Variants in GSAP observed in about 807,000 individuals in gnomAD.
GSAP encodes gamma-secretase activating protein.
A neutral mutation model predicts 131.7 loss-of-function variants in GSAP; 118 were observed. The observed-to-expected ratio is 0.90, with a 90% CI of 0.77 to 1.04. GSAP has a LOEUF of 1.04. GSAP is among the 50% of genes least tolerant of loss of function. The pLI, the probability that GSAP is intolerant of heterozygous loss-of-function variation, is 0.00. For synonymous variants in GSAP, 381 were observed against 363.4 expected (o/e 1.05, Z -0.55); for missense variants, 1,019 against 1,013.2 (o/e 1.01, Z -0.08).
At position 77,397,364 on chromosome 7, in the gene GSAP, T is replaced by G; in HGVS notation, c.295A>C (p.Ser99Arg). ...DLQVFSCSVN[S>R]ERTLLAASLV... Reference sequence around the variant, plus strand: ...AACTTACCAAGCAAAGTCCTTTCACTGTTGACAGAGCAACTGAAAACTTGC... The same window carrying G: ...AACTTACCAAGCAAAGTCCTTTCACGGTTGACAGAGCAACTGAAAACTTGC... Residue 99 changes from serine (S) to arginine (R), a missense_variant, in exon 4 of 31, where the codon AGT (serine) becomes CGT (arginine). Physicochemically the swap from Ser to Arg is moderately radical, Grantham distance 110. Transcript: ENST00000257626. 1 of 1,605,214 alleles carries G rather than the reference T, an allele frequency of 6.2e-7. No homozygotes were observed. The highest frequency in any genetic ancestry group is 8.5e-7 in the Non-Finnish European group (1 of 1,173,086).
intron 12 of GSAP, among the ~76,000 whole-genome samples, chr7:77,366,741 GAC>G (rs1045814644): frequency 9.9e-5 from 15 of 152,050 alleles, no homozygotes; most frequent in African/African-American, 3.6e-4. Flanking sequence ...TGAATTTTAA[GAC>G]AGTTTTTTCT....
At chr7:77,358,391 T>C (rs1316031565) in intron 14 of GSAP, among the ~76,000 whole-genome samples, 1 of 152,338 alleles carries the variant, frequency 6.6e-6, no homozygotes, top group African/African-American at 2.4e-5. Context: ...AATAACTCTG[T>C]ATAAATTTGT....
chr7:77,353,108 C>T (rs534578357), intron 17 of GSAP, 82 bp from the exon 18 acceptor site: 97 of 744,690 alleles, frequency 1.3e-4, no homozygotes, highest in African/African-American at 5.2e-5. Context: ...AACCAAAACA[C>T]GCAAACCAAC....
intron 26 of GSAP, among the ~76,000 whole-genome samples, chr7:77,318,233 A>C (rs1388287164): frequency 6.6e-6 from 1 of 152,238 alleles, no homozygotes; most frequent in Non-Finnish European, 1.5e-5. Flanking sequence ...CACCATCTAT[A>C]AAATGGGAAT....
At chr7:77,348,953 T>TGTGC (rs1006382275) in intron 19 of GSAP, among the ~76,000 whole-genome samples, 1 of 151,308 alleles carries the variant, frequency 6.6e-6, no homozygotes, top group Non-Finnish European at 1.5e-5. Flanking sequence ...TGTGTGTGTG[T>TGTGC]GCACGTGCAC....
At chr7:77,405,358 T>C (rs1462350025) in intron 2 of GSAP, among the ~76,000 whole-genome samples, 1 of 152,180 alleles carries the variant, frequency 6.6e-6, no homozygotes, top group African/African-American at 2.4e-5. Context: ...CTGAAGAGAG[T>C]AATCATATTT....
chr7:77,326,432 G>A, intron 22 of GSAP, 159 bp from the exon 23 acceptor site: 1 of 561,206 alleles, frequency 1.8e-6, no homozygotes, highest in Non-Finnish European at 3.2e-6. Flanking sequence ...GTCCTACAAG[G>A]TGAACTTATC....
chr7:77,381,757 C>G lies in GSAP; in HGVS notation c.527-403G>C, dbSNP rs963577412. On this transcript the variant is annotated intron_variant, in intron 7 of 30. Coordinates refer to ENST00000257626, the MANE Select transcript of GSAP (RefSeq NM_017439.4). ...CCAAACACTTGTTTGTATGAACATA[C>G]CAGATAAAAAACTCATTATACAAGA... 2.0e-5 allele frequency among the ~76,000 whole-genome samples: 3 copies of G among 151,880 alleles called. No individual in the cohort carries two copies. In the East Asian group the frequency reaches 5.8e-4, roughly 29 times the overall value.
upstream of GSAP, chr7:77,416,512 A>ACCTGAG (rs1157335278): frequency 2.2e-5 from 9 of 408,850 alleles, no homozygotes; most frequent in African/African-American, 6.2e-5. Flanking sequence ...GGCGGCCCGC[A>ACCTGAG]CCTGAGCCGG....
At chr7:77,331,497 T>G (rs2150689976) in intron 19 of GSAP, among the ~76,000 whole-genome samples, 1 of 152,234 alleles carries the variant, frequency 6.6e-6, no homozygotes, top group Non-Finnish European at 1.5e-5. Context: ...TGACAAGACT[T>G]GGCTGAACTG....
intron 19 of GSAP, among the ~76,000 whole-genome samples, chr7:77,336,290 G>A (rs1051268235): frequency 6.6e-6 from 1 of 152,054 alleles, no homozygotes; most frequent in Admixed American, 6.5e-5. Flanking sequence ...TCTCAGTCTT[G>A]AGAATGAAAA....
At chr7:77,409,993 G>A (rs1290015145) in intron 1 of GSAP, among the ~76,000 whole-genome samples, 1 of 152,108 alleles carries the variant, frequency 6.6e-6, no homozygotes, top group Non-Finnish European at 1.5e-5. Flanking sequence ...TATTGAGCTG[G>A]TGTGGAGCCC....
intron 19 of GSAP, among the ~76,000 whole-genome samples, chr7:77,341,126 T>C (rs1159596694): frequency 6.6e-6 from 1 of 152,170 alleles, no homozygotes; most frequent in African/African-American, 2.4e-5. Flanking sequence ...CCCGGATGAT[T>C]TTTGTTGAAA....
At chr7:77,315,264 C>G (rs939476058) in intron 26 of GSAP, 12 of 152,316 alleles carry the variant, frequency 7.9e-5, no homozygotes, top group Admixed American at 6.5e-4. Context: ...CCAGGTTTGG[C>G]ATGAGCAGCC....
At chr7:77,377,706 C>T (rs946134992) in intron 8 of GSAP, among the ~76,000 whole-genome samples, 2 of 152,154 alleles carry the variant, frequency 1.3e-5, no homozygotes, top group African/African-American at 4.8e-5. Context: ...ATAGAAGATT[C>T]GGAACTTACT....
chr7:77,317,383 T>TGGGGGTG (rs1423134746), intron 26 of GSAP, among the ~76,000 whole-genome samples: 4 of 51,514 alleles, frequency 7.8e-5, no homozygotes, highest in South Asian at 5.3e-4. Flanking sequence ...GTCGTGGGGT[T>TGGGGGTG]GGGGGCTGGG....
intron 13 of GSAP, among the ~76,000 whole-genome samples, chr7:77,361,383 C>G (rs1794499983): frequency 6.6e-6 from 1 of 152,186 alleles, no homozygotes; most frequent in Non-Finnish European, 1.5e-5. Flanking sequence ...AACTCTTAAT[C>G]TTCAGAAAAG....
At position 77,353,640 on chromosome 7, in the gene GSAP, A is replaced by C. The variant is rs1371729993; in HGVS notation, c.1340T>G (p.Ile447Ser). 1 of 1,601,876 alleles carries C rather than the reference A, an allele frequency of 6.2e-7. No homozygotes were observed. Residue 447 changes from isoleucine (I) to serine (S), a missense_variant and splice_region_variant, in exon 17 of 31, where the codon ATT becomes AGT. Coordinates refer to ENST00000257626, the MANE Select transcript of GSAP (RefSeq NM_017439.4). ...GACATTCTCAGAAATCCACTGAATA[A>C]TCTTTAAAAAGTCAGACAGAACTCT... ...GQGAQFLEAQ[I>S]IQWISENVSA...
intron 12 of GSAP, among the ~76,000 whole-genome samples, chr7:77,367,029 T>C (rs1045454652): frequency 6.6e-6 from 1 of 152,214 alleles, no homozygotes; most frequent in East Asian, 1.9e-4. Context: ...TTGACTTTGC[T>C]CTTGTTGGTG....
Sources: gnomAD v4.1 joint callset for allele counts (sites outside exome capture counted in the v4.1 genomes callset) on GRCh38, gnomAD v4.1.1 for gene constraint, MANE v1.5 for transcripts, NCBI Gene and HGNC (gene_info 2026-07-23, HGNC 2026-07-21) for gene names.